URB1: variants seen among roughly 807,000 people sequenced by gnomAD.
The protein encoded by URB1 is nucleolar pre-ribosomal-associated protein 1.
Under a neutral mutation model 242.3 loss-of-function variants are expected in URB1, and 197 were observed. That is an observed-to-expected ratio of 0.81 (90% CI 0.72 to 0.91). The LOEUF (loss-of-function observed/expected upper bound fraction) is 0.91, where lower values mean the gene tolerates loss of function less well. Ranked by LOEUF, URB1 falls within the 40% of genes least tolerant of loss-of-function variation. URB1 has a pLI of 0.00. For synonymous variants in URB1, 1,153 were observed against 1,201.8 expected (o/e 0.96, Z 0.84); for missense variants, 2,721 against 2,860.5 (o/e 0.95, Z 1.11).
rs1217210879 is a variant in URB1 at position 32,349,503 on chromosome 21, A to T, written c.2833-20T>A. ...GCCCAGCTGTGAGGACAAGAGCACG[A>T]GCCTCAGCAGGGAAGAGACGGGTTC... On this transcript the variant is annotated intron_variant, in intron 20 of 38. Coordinates refer to ENST00000382751, the MANE Select transcript of URB1 (RefSeq NM_014825.3). 1 of 1,528,494 alleles carries T rather than the reference A, an allele frequency of 6.5e-7. No homozygotes were observed. Among genetic ancestry groups the T allele is most frequent in the East Asian group, 2.5e-5 (1 of 40,488 alleles). 94.7% of individuals were successfully genotyped at this position (1,528,494 alleles called of 1,614,324 possible).
At position 32,390,031 on chromosome 21, in the gene URB1, G is replaced by A. The variant is rs149089506; in HGVS notation, c.142+2738C>T. Among the ~76,000 whole-genome samples the A allele has an allele frequency of 3.2e-4, 49 of 152,308 alleles. 1 individual carries two copies. The East Asian group carries it at 9.1e-3, about 28-fold the overall frequency. On this transcript the variant is annotated intron_variant, in intron 1 of 38. Transcript: ENST00000382751. ...AGCAATCCTATCATAGGTTATGAGA[G>A]CGTATAAAGAGGAAGAGAGGAGGAG...
Position 32,383,450 on chromosome 21 carries a change from T to C in URB1, c.539A>G (p.Tyr180Cys). 1 of 1,551,594 alleles carries C rather than the reference T, an allele frequency of 6.4e-7. No homozygotes were observed. The highest frequency in any genetic ancestry group is 1.2e-5 in the South Asian group (1 of 84,040). The change falls in exon 4 of 39, where the codon TAC becomes TGC. Residue 180 changes from tyrosine to cysteine, a missense_variant. Transcript: ENST00000382751. ...TGAATCCCTCTTGGTCACCAGGGTG[T>C]ACAGGGTCTTTTTATTCAAATCAAA... ...SHFDLNKKTL[Y>C]TLVTKRDSKG...
At chr21:32,352,612 T>A in intron 19 of URB1, 98 bp downstream of exon 19, 1 of 1,421,006 alleles carries the variant, frequency 7.0e-7, no homozygotes, top group Non-Finnish European at 9.6e-7. Flanking sequence ...CCCTGCAGGC[T>A]GTCTGGCTAC....
chr21:32,372,557 T>A lies in URB1; in HGVS notation c.951A>T (p.Ser317=). 6.4e-7 allele frequency: 1 copy of A among 1,551,630 alleles called. No individual in the cohort carries two copies. The highest frequency in any genetic ancestry group is 1.2e-5 in the South Asian group (1 of 84,052). The change falls in exon 8 of 39, where the codon TCA becomes TCT. Residue 317 remains serine, a synonymous_variant. Coordinates refer to ENST00000382751, the MANE Select transcript of URB1 (RefSeq NM_014825.3). ...CGTAAAAATTAATTCCATGCTTGAG[T>A]GAACAGCAAAGATCCATCAGGAAGT... The part of the protein sequence containing the change: ...VHNFLMDLCC[S]LKHGINFYDA...
At position 32,388,144 on chromosome 21, in the gene URB1, T is replaced by C. The variant is rs189637272; in HGVS notation, c.143-2460A>G. ...AAAAACATACCAGAAAAGAACAAAA[T>C]TGGAGCCAGACTCCTGGGCACAAAT... On this transcript the variant is annotated intron_variant, in intron 1 of 38. Transcript: ENST00000382751. 5.3e-5 allele frequency among the ~76,000 whole-genome samples: 8 copies of C among 152,256 alleles called. No homozygotes were observed. The East Asian group carries it at 5.8e-4, about 11-fold the overall frequency.
chr21:32,375,570 G>A, intron 5 of URB1, 87 bp from the exon 6 acceptor site: 3 of 698,330 alleles, frequency 4.3e-6, no homozygotes, highest in Admixed American at 3.8e-5. Context: ...AGGTGGTACA[G>A]CAAACAATGC....
intron 16 of URB1, 103 bp from the exon 17 acceptor site, chr21:32,355,100 T>A (rs1397850718): frequency 8.2e-6 from 11 of 1,334,264 alleles, no homozygotes; most frequent in Non-Finnish European, 1.0e-5. Context: ...GATAATATGT[T>A]CAATCCTTAA....
At chr21:32,368,688 C>T in intron 8 of URB1, 90 bp from the exon 9 acceptor site, 1 of 1,146,080 alleles carries the variant, frequency 8.7e-7, no homozygotes, top group Non-Finnish European at 1.2e-6. Context: ...TGCAGAATTG[C>T]CCTCAGTGAA....
intron 16 of URB1, 104 bp downstream of exon 16, chr21:32,355,345 G>T (rs567908223): frequency 9.9e-7 from 1 of 1,009,760 alleles, no homozygotes; most frequent in South Asian, 1.5e-5. Flanking sequence ...AAGCCAGGAC[G>T]AGAAGCCTTT....
rs2032973917 is a variant in URB1 at position 32,337,441 on chromosome 21, C to T, written c.4584G>A (p.Val1528=). Residue 1528 remains valine (V), a synonymous_variant, in exon 27 of 39, where the codon GTG becomes GTA. Coordinates refer to ENST00000382751, the MANE Select transcript of URB1 (RefSeq NM_014825.3). ...GAGTGGCGCCATAGGCCCCGAGAAG[C>T]ACTGCAAAGTGGCTGCTCTCACAGA... ...PSVCESSHFA[V]LLGAYGATLS... 1 of 1,551,682 alleles carries T rather than the reference C, an allele frequency of 6.4e-7. No individual in the cohort carries two copies. Among genetic ancestry groups the T allele is most frequent in the African/African-American group, 1.4e-5 (1 of 73,102 alleles).
Position 32,311,848 on chromosome 21 carries a change from G to A in URB1, c.*3070C>T, listed in dbSNP as rs1009755163. 6 of 1,614,012 alleles carry A rather than the reference G, an allele frequency of 3.7e-6. No homozygotes were observed. Among genetic ancestry groups the A allele is most frequent in the East Asian group, 2.2e-5 (1 of 44,882 alleles). On this transcript the variant is annotated 3_prime_UTR_variant, in exon 39 of 39. Coordinates refer to ENST00000382751, the MANE Select transcript of URB1 (RefSeq NM_014825.3). ...AGAACTGGCCCTGACCAGCCGCTAC[G>A]ACAGGAGAGCTCCTCCACCTTGCCC... is the stretch of plus-strand genomic sequence containing the variant.
intron 17 of URB1, among the ~76,000 whole-genome samples, 151 bp from the exon 18 acceptor site, chr21:32,354,254 C>T (rs2033193615): frequency 6.6e-6 from 1 of 152,184 alleles, no homozygotes; most frequent in Non-Finnish European, 1.5e-5. Flanking sequence ...TGACCCTAAA[C>T]AGACAAAAAC....
intron 25 of URB1, 58 bp downstream of exon 25, chr21:32,341,408 A>G (rs2033027579): frequency 7.3e-6 from 11 of 1,504,072 alleles, no homozygotes; most frequent in Admixed American, 2.0e-5. Flanking sequence ...GAGGCTTTGC[A>G]TGCTGAACGA....
chr21:32,347,154 C>T lies in URB1; in HGVS notation c.3670G>A (p.Ala1224Thr). 1.3e-6 allele frequency: 2 copies of T among 1,548,778 alleles called. No individual in the cohort carries two copies. Among genetic ancestry groups the T allele is most frequent in the Non-Finnish European group, 8.7e-7 (1 of 1,146,134 alleles). The change falls in exon 22 of 39, where the codon GCC becomes ACC. Residue 1224 changes from alanine (A) to threonine (T), a missense_variant. Ala to Thr is a moderately conservative substitution (Grantham distance 58, BLOSUM62 0). Transcript: ENST00000382751. The stretch of plus-strand genomic sequence containing the variant: ...CTGAGGGCCGCCTGTGTGCGCCGGG[C>T]CAGGCAGTAGTCAAGCAGATCAGCC... Reference protein sequence around the residue: ...VGADLLDYCLARRTQAALSIA... With the variant: ...VGADLLDYCLTRRTQAALSIA...
intron 11 of URB1, 145 bp downstream of exon 11, chr21:32,363,011 C>A: frequency 2.0e-6 from 2 of 1,017,272 alleles, no homozygotes; most frequent in Non-Finnish European, 2.8e-6. Flanking sequence ...TGACCCTCAG[C>A]ACCCACGCTA....
At chr21:32,355,609 G>A (rs537773155) in intron 15 of URB1, 44 bp from the exon 16 acceptor site, 57 of 1,466,234 alleles carry the variant, frequency 3.9e-5, no homozygotes, top group South Asian at 1.1e-4. Context: ...AACAGAACGC[G>A]CTTTCTTTCT....
At chr21:32,353,501 C>T (rs2123588178) in intron 18 of URB1, among the ~76,000 whole-genome samples, 2 of 152,334 alleles carry the variant, frequency 1.3e-5, no homozygotes, top group South Asian at 4.1e-4. Context: ...CAAGTCAGGG[C>T]TTATTTGTTA....
rs1181045894 is a variant in URB1, at chr21:32,317,755, C to G, written c.5955G>C (p.Trp1985Cys). The G allele has an allele frequency of 1.3e-6, 2 of 1,551,778 alleles. No individual in the cohort carries two copies. The highest frequency in any genetic ancestry group is 4.9e-5 in the East Asian group (2 of 40,926). ...TKDVLVLLHK[W>C]SLIERDLKLQ... ...GCTTGAGGTCTCTTTCAATGAGGCT[C>G]CACTTGTGCAAGAGGACAAGGACGT... Residue 1985 changes from tryptophan (W) to cysteine (C), a missense_variant, in exon 37 of 39, where the codon TGG becomes TGC. By Grantham distance (215) the Trp-to-Cys change is radical (BLOSUM62 -2). Coordinates refer to ENST00000382751, the MANE Select transcript of URB1 (RefSeq NM_014825.3).
rs1446793240 is a variant in URB1 at position 32,334,205 on chromosome 21, G to C, written c.4815C>G (p.Thr1605=). The C allele has an allele frequency of 1.0e-5, 16 of 1,551,424 alleles. No homozygotes were observed. Among genetic ancestry groups the C allele is most frequent in the Non-Finnish European group, 1.0e-5 (12 of 1,146,872 alleles). The change falls in exon 29 of 39, where the codon ACC becomes ACG. Residue 1605 remains threonine, a synonymous_variant. Transcript: ENST00000382751. ...RLLDRDRMMQ[T]ILHFPQNRRL... The stretch of plus-strand genomic sequence containing the variant: ...TCCGGTTCTGGGGGAAGTGCAGGAT[G>C]GTCTGCATCATCCGGTCCCGGTCCA...
Sources: allele counts gnomAD v4.1 joint callset (sites outside exome capture counted in the v4.1 genomes callset), GRCh38; gene constraint gnomAD v4.1.1; transcripts MANE v1.5; gene names NCBI Gene and HGNC (gene_info 2026-07-23, HGNC 2026-07-21).